The following OPCML variants were observed in gnomAD, a reference collection of about 807,000 sequenced individuals.
The protein encoded by OPCML is opioid binding protein/cell adhesion molecule like, also known as opioid-binding protein/cell adhesion molecule.
In OPCML, 13 loss-of-function variants were observed where a neutral mutation model predicts 37.8. The observed-to-expected ratio is 0.34, with a 90% CI of 0.22 to 0.55. The LOEUF (loss-of-function observed/expected upper bound fraction) is 0.55, where lower values mean the gene tolerates loss of function less well. Among genes scored for constraint, OPCML ranks in the 20% least tolerant of loss-of-function variants. OPCML has a pLI of 0.91. For missense variants in OPCML, 341 were observed against 435.6 expected (o/e 0.78, Z 1.93); for synonymous variants, 176 against 168.8 (o/e 1.04, Z -0.33).
chr11:133,168,189 C>T (rs1950239814), intron 1 of OPCML, among the ~76,000 whole-genome samples: 1 of 152,114 alleles, frequency 6.6e-6, no homozygotes, highest in African/African-American at 2.4e-5. Flanking sequence ...AACACTGGAC[C>T]AGTGAAATGC....
At position 132,987,356 on chromosome 11, in the gene OPCML, G is replaced by A. The variant is rs114894804; in HGVS notation, c.62-44346C>T. ...GGGAGAAGCTTTCATGTAGATGTAA[G>A]AACGTGAAGACCAAGGGGCCTCTGC... On this transcript the variant is annotated intron_variant, in intron 1 of 7. Transcript: ENST00000524381. Among the ~76,000 whole-genome samples, 605 of 152,248 alleles carry A rather than the reference G, an allele frequency of 4.0e-3. 5 individuals carry two copies. The highest frequency in any genetic ancestry group is 0.014 in the African/African-American group (568 of 41,542).
At chr11:133,006,072 G>T in intron 1 of OPCML, 8 of 985,400 alleles carry the variant, frequency 8.1e-6, no homozygotes, top group Non-Finnish European at 9.6e-6. Context: ...AATGGAGTGT[G>T]CTCATAACAG....
At chr11:132,446,078 G>C (rs2096054058) in intron 4 of OPCML, among the ~76,000 whole-genome samples, 1 of 131,930 alleles carries the variant, frequency 7.6e-6, no homozygotes, top group Non-Finnish European at 1.6e-5. Flanking sequence ...GTGAAGAGGT[G>C]TGTTTAGCTT....
At chr11:133,444,181 C>G (rs1249878800) in intron 1 of OPCML, among the ~76,000 whole-genome samples, 1 of 152,034 alleles carries the variant, frequency 6.6e-6, no homozygotes, top group Non-Finnish European at 1.5e-5. Context: ...CAGCCTTCTT[C>G]CTGCTAGCTC....
At position 132,996,015 on chromosome 11, in the gene OPCML, G is replaced by A. The variant is rs562325510; in HGVS notation, c.62-53005C>T. Among the ~76,000 whole-genome samples the A allele has an allele frequency of 8.5e-5, 13 of 152,184 alleles. No homozygotes were observed. In the South Asian group the frequency reaches 2.5e-3, roughly 29 times the overall value. On this transcript the variant is annotated intron_variant, in intron 1 of 7. Coordinates refer to ENST00000524381, the MANE Select transcript of OPCML (RefSeq NM_001012393.5). ...AGAGTCCATGGTGGATGGTGATGAGGGTCCCTTCCATCCTCCCCCTGCCAT... is the reference window on the plus strand; with the variant it reads ...AGAGTCCATGGTGGATGGTGATGAGAGTCCCTTCCATCCTCCCCCTGCCAT...
At chr11:133,102,266 A>G (rs562931805) in intron 1 of OPCML, among the ~76,000 whole-genome samples, 3 of 152,348 alleles carry the variant, frequency 2.0e-5, no homozygotes, top group Admixed American at 6.5e-5. Context: ...TGAGATGTTG[A>G]CAATGAGGGA....
At chr11:133,287,027 A>G (rs1399397479) in intron 1 of OPCML, among the ~76,000 whole-genome samples, 1 of 152,168 alleles carries the variant, frequency 6.6e-6, no homozygotes, top group African/African-American at 2.4e-5. Context: ...CAGAAGGAGA[A>G]GTTGAGATAC....
intron 1 of OPCML, among the ~76,000 whole-genome samples, chr11:132,956,837 A>G (rs1289408454): frequency 1.3e-5 from 2 of 152,210 alleles, no homozygotes; most frequent in African/African-American, 2.4e-5. Context: ...GAGTCAGGGA[A>G]AAATAAAACA....
chr11:133,390,938 G>A (rs1306067765), intron 1 of OPCML, among the ~76,000 whole-genome samples: 1 of 151,968 alleles, frequency 6.6e-6, no homozygotes, highest in Non-Finnish European at 1.5e-5. Context: ...CGGCAAGAAG[G>A]AAGGTGTTAT....
rs530262568 is a variant in OPCML, at chr11:133,180,607, G to A, written c.62-237597C>T. 2.0e-3 allele frequency among the ~76,000 whole-genome samples: 298 copies of A among 152,234 alleles called. 2 individuals are homozygous for A. Among genetic ancestry groups the A allele is most frequent in the Non-Finnish European group, 3.7e-3 (254 of 68,022 alleles). On this transcript the variant is annotated intron_variant, in intron 1 of 7. Transcript: ENST00000524381. ...GGAAATGAGAGGAAGAGTGTCTCCG[G>A]AGAAAGATGGAGTTCAGGCTAGAAG...
At chr11:132,539,742 ATGG>A (rs1211623734) in intron 3 of OPCML, among the ~76,000 whole-genome samples, 2 of 151,858 alleles carry the variant, frequency 1.3e-5, no homozygotes, top group African/African-American at 4.8e-5. Flanking sequence ...AATGATGGTG[ATGG>A]TGATGATAAT....
chr11:133,410,073 T>C (rs56065861), intron 1 of OPCML, among the ~76,000 whole-genome samples: 13,745 of 152,058 alleles, frequency 0.09, 1,820 homozygotes, highest in African/African-American at 0.29. Flanking sequence ...ATGAGGGCAA[T>C]TGAGCTCTGA....
chr11:133,503,079 G>A (rs1486662010), intron 1 of OPCML, among the ~76,000 whole-genome samples: 1 of 152,068 alleles, frequency 6.6e-6, no homozygotes, highest in Non-Finnish European at 1.5e-5. Context: ...TTGAGGGCTG[G>A]GAATGCAAAA....
rs371028958 is a variant in OPCML, at chr11:133,188,532, TAA to T, written c.62-245524_62-245523del. On this transcript the variant is annotated intron_variant, in intron 1 of 7. Transcript: ENST00000524381. ...TTCCATAGAAAATAGAAGATTGAAT[TAA>T]AAAAAAGTTTGAGATGTCTTCTAAG... 9.9e-5 allele frequency among the ~76,000 whole-genome samples: 15 copies of T among 152,014 alleles called. No homozygotes were observed. In the South Asian group the frequency reaches 3.1e-3, roughly 32 times the overall value.
chr11:133,245,884 G>C (rs956323910), intron 1 of OPCML, among the ~76,000 whole-genome samples: 3 of 152,078 alleles, frequency 2.0e-5, no homozygotes, highest in Non-Finnish European at 4.4e-5. Flanking sequence ...ACCAAACACT[G>C]GATGTTCTCA....
chr11:132,422,884 C>G (rs2095964772), intron 7 of OPCML, among the ~76,000 whole-genome samples: 1 of 152,188 alleles, frequency 6.6e-6, no homozygotes, highest in East Asian at 1.9e-4. Flanking sequence ...AAACAATGGA[C>G]TGGGAATGCA....
intron 1 of OPCML, among the ~76,000 whole-genome samples, chr11:132,972,477 C>T (rs911001979): frequency 6.6e-6 from 1 of 152,220 alleles, no homozygotes; most frequent in Admixed American, 6.5e-5. Flanking sequence ...ATATGCTCCA[C>T]AACATGTCAG....
At chr11:133,471,037 C>T (rs543067588) in intron 1 of OPCML, among the ~76,000 whole-genome samples, 11 of 152,218 alleles carry the variant, frequency 7.2e-5, no homozygotes, top group Non-Finnish European at 1.2e-4. Flanking sequence ...ATAGGAGCTA[C>T]GAAGCAGGAT....
chr11:133,151,543 A>G (rs956644929), intron 1 of OPCML, among the ~76,000 whole-genome samples: 7 of 152,158 alleles, frequency 4.6e-5, no homozygotes, highest in Non-Finnish European at 1.0e-4. Context: ...GAGCTTTGGT[A>G]TATAAATTTG....
Sources: gnomAD v4.1 joint callset for allele counts (sites outside exome capture counted in the v4.1 genomes callset) on GRCh38, gnomAD v4.1.1 for gene constraint, MANE v1.5 for transcripts, NCBI Gene and HGNC (gene_info 2026-07-23, HGNC 2026-07-21) for gene names.